Variants in ARHGEF3 observed in about 807,000 individuals in gnomAD.
ARHGEF3 encodes the protein Rho guanine nucleotide exchange factor 3.
ARHGEF3 carries 28 observed loss-of-function variants against 63.2 expected under a neutral mutation model. That is an observed-to-expected ratio of 0.44 (90% confidence interval 0.33 to 0.61). The LOEUF is 0.61. ARHGEF3 is among the 20% of genes least tolerant of loss of function. The pLI, the probability that ARHGEF3 is intolerant of heterozygous loss-of-function variation, is 0.03. For missense variants in ARHGEF3, 533 were observed against 659.3 expected (o/e 0.81, Z 2.10); for synonymous variants, 266 against 254.2 (o/e 1.05, Z -0.44).
chr3:56,936,506 A>G (rs1416459800), intron 3 of ARHGEF3, among the ~76,000 whole-genome samples: 2 of 152,242 alleles, frequency 1.3e-5, no homozygotes, highest in Non-Finnish European at 2.9e-5. Context: ...GCAAATTAGC[A>G]TCACTAGTAA....
intron 3 of ARHGEF3, among the ~76,000 whole-genome samples, chr3:56,942,164 G>T (rs561487160): frequency 6.6e-6 from 1 of 152,210 alleles, no homozygotes; most frequent in East Asian, 1.9e-4. Flanking sequence ...TATTGCTATT[G>T]TTTTTATTAC....
chr3:56,973,518 A>C (rs1244244395), intron 2 of ARHGEF3, among the ~76,000 whole-genome samples: 2 of 152,206 alleles, frequency 1.3e-5, no homozygotes, highest in Admixed American at 1.3e-4. Context: ...ACCTCCAAAT[A>C]GAGATGTGGA....
intron 3 of ARHGEF3, among the ~76,000 whole-genome samples, chr3:56,882,675 C>T (rs957839343): frequency 1.4e-4 from 21 of 151,852 alleles, no homozygotes; most frequent in Non-Finnish European, 2.2e-4. Flanking sequence ...CACGCCACCA[C>T]GCCTGGCTAA....
chr3:56,967,009 A>G (rs1252793758), intron 2 of ARHGEF3, among the ~76,000 whole-genome samples: 1 of 150,342 alleles, frequency 6.7e-6, no homozygotes, highest in East Asian at 1.9e-4. Context: ...GATTACAGGC[A>G]TGCGCCACCA....
At chr3:57,034,199 T>C (rs539523112) in intron 2 of ARHGEF3, among the ~76,000 whole-genome samples, 17 of 151,688 alleles carry the variant, frequency 1.1e-4, no homozygotes, top group African/African-American at 3.9e-4. Flanking sequence ...ACAAGTGCAA[T>C]TGTAGTGCAC....
intron 2 of ARHGEF3, chr3:56,977,307 AGCAC>A: frequency 2.2e-6 from 1 of 456,744 alleles, no homozygotes; most frequent in Non-Finnish European, 4.4e-6. Context: ...GTCCATCTAA[AGCAC>A]AGGGCAGAGC....
chr3:57,042,011 G>A (rs4681946), intron 1 of ARHGEF3, among the ~76,000 whole-genome samples: 35,099 of 152,094 alleles, frequency 0.23, 4,971 homozygotes, highest in East Asian at 0.63. Context: ...ATGAGCAGCC[G>A]AGACATTAGG....
intron 3 of ARHGEF3, among the ~76,000 whole-genome samples, chr3:56,898,979 A>G (rs374407886): frequency 1.3e-5 from 2 of 152,086 alleles, no homozygotes; most frequent in African/African-American, 4.8e-5. Context: ...GCATGAACCC[A>G]GGAGGTGGAG....
chr3:56,806,522 T>C (rs539844760), upstream of ARHGEF3, among the ~76,000 whole-genome samples: 1 of 152,366 alleles, frequency 6.6e-6, no homozygotes, highest in Non-Finnish European at 1.5e-5. Flanking sequence ...CGGGCAGTGT[T>C]CCTTGCCAGC....
intron 2 of ARHGEF3, among the ~76,000 whole-genome samples, chr3:57,013,822 C>T (rs923943732): frequency 2.0e-5 from 3 of 152,150 alleles, no homozygotes; most frequent in Non-Finnish European, 4.4e-5. Context: ...AATCAGCTCT[C>T]TGTAAAATGG....
intron 3 of ARHGEF3, among the ~76,000 whole-genome samples, chr3:56,947,662 G>C (rs28859093): frequency 0.12 from 17,471 of 151,890 alleles, 1,263 homozygotes; most frequent in East Asian, 0.25. Context: ...GACTTAGACT[G>C]CCACACAATA....
At chr3:56,975,234 A>G (rs1269079254) in intron 2 of ARHGEF3, among the ~76,000 whole-genome samples, 2 of 152,094 alleles carry the variant, frequency 1.3e-5, no homozygotes, top group African/African-American at 4.8e-5. Flanking sequence ...CTTGGCCAAC[A>G]TGGTGAAATT....
At chr3:56,993,152 A>C (rs1289531799) in intron 2 of ARHGEF3, among the ~76,000 whole-genome samples, 1 of 152,084 alleles carries the variant, frequency 6.6e-6, no homozygotes, top group Non-Finnish European at 1.5e-5. Flanking sequence ...AGCTTTTTAA[A>C]TTCTACAATA....
intron 7 of ARHGEF3, among the ~76,000 whole-genome samples, chr3:56,741,364 T>C (rs760678050): frequency 2.0e-5 from 3 of 151,868 alleles, no homozygotes; most frequent in Non-Finnish European, 4.4e-5. Flanking sequence ...TTTGTATTTT[T>C]AGTAGAGATG....
At chr3:56,990,363 C>G (rs1701702820) in intron 2 of ARHGEF3, among the ~76,000 whole-genome samples, 1 of 152,248 alleles carries the variant, frequency 6.6e-6, no homozygotes, top group Admixed American at 6.5e-5. Context: ...GCAGATGGAT[C>G]ACTTGAGGTC....
chr3:56,939,117 G>A (rs1437850886), intron 3 of ARHGEF3, among the ~76,000 whole-genome samples: 2 of 152,194 alleles, frequency 1.3e-5, no homozygotes. Flanking sequence ...CACACTCACT[G>A]TGAAGAGGAA....
chr3:56,894,980 C>T (rs141635788), intron 3 of ARHGEF3, among the ~76,000 whole-genome samples: 1 of 152,280 alleles, frequency 6.6e-6, no homozygotes, highest in African/African-American at 2.4e-5. Context: ...TGTGGCTCAC[C>T]ACAACTTTTG....
chr3:56,840,563 A>G (rs1298081748), intron 4 of ARHGEF3, among the ~76,000 whole-genome samples: 1 of 152,226 alleles, frequency 6.6e-6, no homozygotes, highest in African/African-American at 2.4e-5. Flanking sequence ...TGAGGGACTC[A>G]GCGCAGTGCC....
intron 7 of ARHGEF3, among the ~76,000 whole-genome samples, chr3:56,741,184 CTTT>C (rs10662620): frequency 7.8e-6 from 1 of 128,860 alleles, no homozygotes. Context: ...TGCTTTGGTT[CTTT>C]TTTTTTTTTT....
Sources: allele counts gnomAD v4.1 joint callset (sites outside exome capture counted in the v4.1 genomes callset), GRCh38; gene constraint gnomAD v4.1.1; transcripts MANE v1.5; gene names NCBI Gene and HGNC (gene_info 2026-07-23, HGNC 2026-07-21).